ARHGAP15: variants seen among roughly 807,000 people sequenced by gnomAD.
ARHGAP15 encodes Rho GTPase activating protein 15.
ARHGAP15 carries 51 observed loss-of-function variants against 63.7 expected under a neutral mutation model. The ratio of observed to expected loss-of-function variants is 0.80; its 90% CI spans 0.64 to 1.01. ARHGAP15 has a LOEUF of 1.01. Ranked by LOEUF, ARHGAP15 falls within the 50% of genes least tolerant of loss-of-function variation. ARHGAP15 has a pLI of 0.00. For missense variants in ARHGAP15, 560 were observed against 564.6 expected, an observed-to-expected ratio of 0.99 and a Z score of 0.08; for synonymous variants, 191 against 193.8, an observed-to-expected ratio of 0.99 and a Z score of 0.12.
chr2:143,364,094 G>A (rs922484815), intron 6 of ARHGAP15, among the ~76,000 whole-genome samples: 1 of 152,054 alleles, frequency 6.6e-6, no homozygotes, highest in African/African-American at 2.4e-5. Context: ...AGTATTTGAT[G>A]TTGTCTTAAG....
intron 6 of ARHGAP15, among the ~76,000 whole-genome samples, chr2:143,415,096 G>A (rs1383893297): frequency 6.6e-6 from 1 of 152,162 alleles, no homozygotes; most frequent in Non-Finnish European, 1.5e-5. Flanking sequence ...TTGACCAAGT[G>A]AAATACTTAT....
At chr2:143,292,395 G>A (rs1682445170) in intron 6 of ARHGAP15, among the ~76,000 whole-genome samples, 1 of 151,956 alleles carries the variant, frequency 6.6e-6, no homozygotes, top group Admixed American at 6.6e-5. Context: ...TTGAACTAAG[G>A]AAATAATTGG....
intron 13 of ARHGAP15, among the ~76,000 whole-genome samples, chr2:143,754,723 C>T (rs536766678): frequency 1.3e-5 from 2 of 152,322 alleles, no homozygotes; most frequent in East Asian, 1.9e-4. Context: ...ATCAAAGTCT[C>T]ACCTTTCCTA....
intron 12 of ARHGAP15, among the ~76,000 whole-genome samples, chr2:143,672,019 T>G (rs1168562678): frequency 6.6e-6 from 1 of 152,188 alleles, no homozygotes; most frequent in Non-Finnish European, 1.5e-5. Flanking sequence ...AAATAGTGTG[T>G]ACTTGGTGCT....
chr2:143,404,106 TAAAAG>T (rs1393933117), intron 6 of ARHGAP15, among the ~76,000 whole-genome samples: 3 of 151,812 alleles, frequency 2.0e-5, no homozygotes, highest in South Asian at 2.1e-4. Context: ...ATTCAGTTGT[TAAAAG>T]GAAGGGAGTC....
rs11298875 is a variant in ARHGAP15, at chr2:143,755,274, TGGG to T, written c.1245-12706_1245-12704del. Among the ~76,000 whole-genome samples, 8 of 134,344 alleles carry T rather than the reference TGGG, an allele frequency of 6.0e-5. 1 individual carries two copies. In the South Asian group the frequency reaches 2.1e-3, roughly 36 times the overall value. 88.1% of individuals were successfully genotyped at this position (134,344 alleles called of 152,430 possible). ...GCTCCCAATGCTTTGCCAGCATATA[TGGG>T]GGGGGGGGATCTATACCAAATATCA... On this transcript the variant is annotated intron_variant, in intron 13 of 13. Transcript: ENST00000295095.
intron 11 of ARHGAP15, among the ~76,000 whole-genome samples, chr2:143,559,524 G>A (rs934661024): frequency 3.3e-5 from 5 of 152,218 alleles, no homozygotes; most frequent in Admixed American, 2.0e-4. Context: ...CTTTGTCCAA[G>A]TTGTGTTATG....
chr2:143,706,024 C>G (rs1401972129), intron 13 of ARHGAP15, among the ~76,000 whole-genome samples: 2 of 152,166 alleles, frequency 1.3e-5, no homozygotes, highest in Non-Finnish European at 2.9e-5. Flanking sequence ...TATCACTTCA[C>G]AGTATTCACA....
intron 13 of ARHGAP15, among the ~76,000 whole-genome samples, chr2:143,710,046 C>G (rs557547745): frequency 2.6e-5 from 4 of 152,334 alleles, no homozygotes; most frequent in Admixed American, 1.3e-4. Flanking sequence ...TTTCTGTACA[C>G]TTTGGTCTTT....
intron 11 of ARHGAP15, among the ~76,000 whole-genome samples, chr2:143,570,487 CAGA>C (rs1304140499): frequency 6.6e-6 from 1 of 152,174 alleles, no homozygotes; most frequent in African/African-American, 2.4e-5. Flanking sequence ...CTACTTTACC[CAGA>C]AGAATATTTT....
At chr2:143,279,611 A>T (rs1465074997) in intron 6 of ARHGAP15, among the ~76,000 whole-genome samples, 1 of 152,132 alleles carries the variant, frequency 6.6e-6, no homozygotes, top group African/African-American at 2.4e-5. Context: ...ATACATTTTT[A>T]TATTTAGATT....
rs1036403480 is a variant in ARHGAP15 at position 143,561,103 on chromosome 2, G to A, written c.1003+4618G>A. The stretch of plus-strand genomic sequence containing the variant: ...TGCAAATGACAGACTTCAGCATGGA[G>A]GATGCTGCATGTCTTGAGAACTTTT... On this transcript the variant is annotated intron_variant, in intron 11 of 13. Transcript: ENST00000295095. Among the ~76,000 whole-genome samples the A allele has an allele frequency of 2.6e-4, 40 of 152,178 alleles. 1 individual carries two copies. The highest frequency in any genetic ancestry group is 5.9e-4 in the Admixed American group (9 of 15,280).
chr2:143,625,139 AG>A (rs1488673095), intron 12 of ARHGAP15, among the ~76,000 whole-genome samples: 1 of 152,192 alleles, frequency 6.6e-6, no homozygotes, highest in Non-Finnish European at 1.5e-5. Context: ...GAAAGAAGAA[AG>A]AAAGGTAAAA....
intron 10 of ARHGAP15, among the ~76,000 whole-genome samples, chr2:143,549,749 T>C (rs1695477562): frequency 6.6e-6 from 1 of 152,188 alleles, no homozygotes; most frequent in African/African-American, 2.4e-5. Flanking sequence ...GAATTAGATA[T>C]ACCTTTGCCC....
chr2:143,291,996 A>G (rs1682423477), intron 6 of ARHGAP15, among the ~76,000 whole-genome samples: 1 of 152,160 alleles, frequency 6.6e-6, no homozygotes, highest in Admixed American at 6.6e-5. Flanking sequence ...GACACTTTTG[A>G]AAAGCCATAA....
At chr2:143,684,186 C>T (rs903662167) in intron 12 of ARHGAP15, among the ~76,000 whole-genome samples, 2 of 152,148 alleles carry the variant, frequency 1.3e-5, no homozygotes, top group African/African-American at 4.8e-5. Flanking sequence ...AGTGCTTGAT[C>T]AGCATGTATT....
chr2:143,542,663 TATATGATATATATG>T (rs1238377867), intron 10 of ARHGAP15, among the ~76,000 whole-genome samples: 5 of 144,164 alleles, frequency 3.5e-5, no homozygotes, highest in Non-Finnish European at 7.5e-5. Context: ...ATATATTATA[TATATGATATATATG>T]ATATGATATA....
At chr2:143,432,823 G>A (rs967376075) in intron 6 of ARHGAP15, among the ~76,000 whole-genome samples, 5 of 151,932 alleles carry the variant, frequency 3.3e-5, no homozygotes, top group African/African-American at 1.2e-4. Flanking sequence ...GACCTGGTGT[G>A]GTAATGAGGG....
chr2:143,324,403 T>G (rs1450302978), intron 6 of ARHGAP15, among the ~76,000 whole-genome samples: 2 of 152,168 alleles, frequency 1.3e-5, no homozygotes, highest in African/African-American at 4.8e-5. Context: ...TAAAAATGAC[T>G]TGTATGTCTG....
Sources: allele counts gnomAD v4.1 joint callset (sites outside exome capture counted in the v4.1 genomes callset), GRCh38; gene constraint gnomAD v4.1.1; transcripts MANE v1.5; gene names NCBI Gene and HGNC (gene_info 2026-07-23, HGNC 2026-07-21).